DISC1: variants seen among roughly 807,000 people sequenced by gnomAD.
DISC1 encodes disrupted in schizophrenia 1 protein.
In DISC1, 57 loss-of-function variants were observed where a neutral mutation model predicts 84.5. That is an observed-to-expected ratio of 0.67 (90% confidence interval 0.55 to 0.84). The LOEUF (loss-of-function observed/expected upper bound fraction) is 0.84, where lower values mean the gene tolerates loss of function less well. Ranked by LOEUF, DISC1 falls within the 40% of genes least tolerant of loss-of-function variation. The probability of loss-of-function intolerance (pLI) is 0.00; values close to 1 mark genes in which losing one functional copy is unlikely to be tolerated. For missense variants in DISC1, 1,000 were observed against 1,057.8 expected (o/e 0.95, Z 0.76); for synonymous variants, 411 against 415.2 (o/e 0.99, Z 0.12).
At chr1:231,829,352 T>A (rs1184763585) in intron 9 of DISC1, among the ~76,000 whole-genome samples, 1 of 152,222 alleles carries the variant, frequency 6.6e-6, no homozygotes, top group African/African-American at 2.4e-5. Flanking sequence ...TACATTCAAC[T>A]TGTTTTTTTG....
At chr1:231,816,279 A>G (rs1034085291) in intron 8 of DISC1, among the ~76,000 whole-genome samples, 3 of 152,128 alleles carry the variant, frequency 2.0e-5, no homozygotes, top group African/African-American at 4.8e-5. Context: ...TCATTTGACC[A>G]TTTTTCAATG....
intron 9 of DISC1, among the ~76,000 whole-genome samples, chr1:231,949,890 A>C (rs549141702): frequency 1.3e-5 from 2 of 152,364 alleles, no homozygotes; most frequent in South Asian, 4.1e-4. Flanking sequence ...ATTTGTAAAA[A>C]CAGAGCCTTT....
chr1:232,018,889 G>C (rs1264561070), intron 11 of DISC1, among the ~76,000 whole-genome samples: 4 of 152,216 alleles, frequency 2.6e-5, no homozygotes, highest in African/African-American at 9.6e-5. Context: ...CTGCACTGAG[G>C]CAAAGGCATG....
intron 3 of DISC1, among the ~76,000 whole-genome samples, chr1:231,726,198 T>C (rs977548560): frequency 3.9e-5 from 6 of 152,174 alleles, no homozygotes; most frequent in African/African-American, 7.2e-5. Context: ...AGAGATAACA[T>C]GAAGGCATGA....
At position 231,958,023 on chromosome 1, in the gene DISC1, G is replaced by A. The variant is rs150122676; in HGVS notation, c.1982-805G>A. ...ACCCACAATAACAATAATAATACTAGTAATAGACATGGCAGCACCATTGAT... is the reference window on the plus strand; with the variant it reads ...ACCCACAATAACAATAATAATACTAATAATAGACATGGCAGCACCATTGAT... On this transcript the variant is annotated intron_variant, in intron 9 of 12. Transcript: ENST00000439617. 4.3e-3 allele frequency among the ~76,000 whole-genome samples: 650 copies of A among 152,260 alleles called. 12 individuals are homozygous for A. The South Asian group carries it at 0.071, about 17-fold the overall frequency.
intron 12 of DISC1, among the ~76,000 whole-genome samples, chr1:232,033,707 A>G (rs1278591881): frequency 1.3e-5 from 2 of 152,244 alleles, no homozygotes; most frequent in Non-Finnish European, 2.9e-5. Context: ...TGAAAGAAAG[A>G]AAGAGGATCT....
At chr1:231,999,443 G>A (rs2102955506) in intron 10 of DISC1, among the ~76,000 whole-genome samples, 1 of 152,252 alleles carries the variant, frequency 6.6e-6, no homozygotes, top group South Asian at 2.1e-4. Context: ...CCCTGGATTT[G>A]GAGCCCTGCT....
intron 8 of DISC1, among the ~76,000 whole-genome samples, chr1:231,806,591 G>C (rs1278866620): frequency 6.6e-6 from 1 of 152,180 alleles, no homozygotes; most frequent in East Asian, 1.9e-4. Flanking sequence ...AAGCAGGTCT[G>C]ACCTAACTGC....
At chr1:231,664,952 A>G (rs904496698) in intron 1 of DISC1, among the ~76,000 whole-genome samples, 2 of 152,188 alleles carry the variant, frequency 1.3e-5, no homozygotes, top group African/African-American at 4.8e-5. Flanking sequence ...AAATATATGT[A>G]GATACTAGTC....
intron 1 of DISC1, among the ~76,000 whole-genome samples, chr1:231,632,606 T>C (rs1016733228): frequency 1.3e-5 from 2 of 152,200 alleles, no homozygotes; most frequent in Non-Finnish European, 1.5e-5. Flanking sequence ...GTGAGAAAAG[T>C]GAGAAACAGC....
Position 231,750,285 on chromosome 1 carries a change from G to C in DISC1, c.1268+209G>C, listed in dbSNP as rs566011987. 2.3e-5 allele frequency: 31 copies of C among 1,371,994 alleles called. No homozygotes were observed. In the East Asian group the frequency reaches 7.8e-4, roughly 35 times the overall value. 85.0% of individuals were successfully genotyped at this position (1,371,994 alleles called of 1,614,324 possible). A position where few individuals can be genotyped will look rare whatever the true frequency, so the allele number is the denominator to read the frequency against. The stretch of plus-strand genomic sequence containing the variant: ...GCATCTCTAGAAAGAAGACTTTTCT[G>C]CCACTTGACAGAGAGAGAACCTTCT... On this transcript the variant is annotated intron_variant, in intron 4 of 12. Coordinates refer to ENST00000439617, the MANE Select transcript of DISC1 (RefSeq NM_018662.3).
intron 9 of DISC1, among the ~76,000 whole-genome samples, chr1:231,933,192 A>G (rs2090775957): frequency 6.6e-6 from 1 of 152,138 alleles, no homozygotes; most frequent in Admixed American, 6.5e-5. Context: ...AGGTGTAGAG[A>G]TGCTAGTTAT....
intron 9 of DISC1, among the ~76,000 whole-genome samples, chr1:231,944,668 C>T (rs1464287054): frequency 6.6e-6 from 1 of 152,108 alleles, no homozygotes; most frequent in Non-Finnish European, 1.5e-5. Context: ...TTCCACATAC[C>T]CTTAACGCAG....
chr1:231,735,275 A>G (rs887021437), intron 3 of DISC1, among the ~76,000 whole-genome samples: 11 of 152,270 alleles, frequency 7.2e-5, no homozygotes, highest in Middle Eastern at 3.4e-3. Flanking sequence ...CTAATTGTTC[A>G]TTGACTTACT....
At chr1:231,667,844 GTTAC>G (rs1278101665) in intron 1 of DISC1, among the ~76,000 whole-genome samples, 1 of 152,098 alleles carries the variant, frequency 6.6e-6, no homozygotes, top group African/African-American at 2.4e-5. Context: ...TGTTGCCAAT[GTTAC>G]TTATTTTTTC....
chr1:231,716,917 C>A (rs1295746937), intron 3 of DISC1, among the ~76,000 whole-genome samples: 2 of 152,056 alleles, frequency 1.3e-5, no homozygotes, highest in Non-Finnish European at 2.9e-5. Context: ...AGTGTCTGGG[C>A]ACTTAATTAA....
At chr1:231,872,195 C>T (rs1045874927) in intron 9 of DISC1, among the ~76,000 whole-genome samples, 1 of 152,174 alleles carries the variant, frequency 6.6e-6, no homozygotes, top group Non-Finnish European at 1.5e-5. Flanking sequence ...AGTACTTGAT[C>T]ACTTACCCTA....
chr1:231,693,412 C>A (rs1260305837), intron 1 of DISC1, among the ~76,000 whole-genome samples: 3 of 152,208 alleles, frequency 2.0e-5, no homozygotes, highest in Non-Finnish European at 1.5e-5. Context: ...AGTTGGATCT[C>A]ATTTAGAGGC....
At chr1:231,776,941 C>T (rs1344816250) in intron 6 of DISC1, among the ~76,000 whole-genome samples, 1 of 152,094 alleles carries the variant, frequency 6.6e-6, no homozygotes. Flanking sequence ...GGGGGTAGTG[C>T]GAGGCAGCCA....
Sources: gnomAD v4.1 joint callset for allele counts (sites outside exome capture counted in the v4.1 genomes callset) on GRCh38, gnomAD v4.1.1 for gene constraint, MANE v1.5 for transcripts, NCBI Gene and HGNC (gene_info 2026-07-23, HGNC 2026-07-21) for gene names.